DCAF10: variants seen among roughly 807,000 people sequenced by gnomAD.
DCAF10 encodes the protein DDB1 and CUL4 associated factor 10, also known as DDB1- and CUL4-associated factor 10.
A neutral mutation model predicts 51.9 loss-of-function variants in DCAF10; 19 were observed. The ratio of observed to expected loss-of-function variants is 0.37; its 90% CI spans 0.26 to 0.54. DCAF10 has a LOEUF of 0.54. DCAF10 is among the 20% of genes least tolerant of loss of function. The pLI, the probability that DCAF10 is intolerant of heterozygous loss-of-function variation, is 0.87. For synonymous variants in DCAF10, 291 were observed against 297.1 expected (o/e 0.98, Z 0.21); for missense variants, 510 against 730.6 (o/e 0.70, Z 3.48).
At position 37,861,268 on chromosome 9, in the gene DCAF10, C is replaced by T. The variant is rs1347119272; in HGVS notation, c.1440C>T (p.Phe480=). 9 of 1,614,084 alleles carry T rather than the reference C, an allele frequency of 5.6e-6. No individual in the cohort carries two copies. ...VGRGYIKELC[F]SPDGRMISSP... ...GGGGTTACATCAAAGAACTTTGCTT[C>T]AGCCCCGATGGACGAATGATTTCTT... The change falls in exon 7 of 7, where the codon TTC becomes TTT. Residue 480 remains phenylalanine, a synonymous_variant. Transcript: ENST00000377724. This position sits in a 1 kb window ranked among gnomAD's most constrained non-coding sequence, Gnocchi z 4.9.
chr9:37,859,506 T>C (rs1343443002), intron 5 of DCAF10, among the ~76,000 whole-genome samples: 2 of 152,246 alleles, frequency 1.3e-5, no homozygotes, highest in Non-Finnish European at 2.9e-5. Context: ...CATGCCTTTA[T>C]GTGAGGTGTC....
intron 3 of DCAF10, among the ~76,000 whole-genome samples, chr9:37,849,321 G>A (rs1830565308): frequency 6.6e-6 from 1 of 152,118 alleles, no homozygotes; most frequent in Non-Finnish European, 1.5e-5. Context: ...GATATATCAG[G>A]CGTTGGCAAA....
chr9:37,841,962 A>T, intron 2 of DCAF10, 127 bp from the exon 3 acceptor site: 1 of 767,238 alleles, frequency 1.3e-6, no homozygotes, highest in Non-Finnish European at 2.0e-6. Context: ...CATTGGGTTT[A>T]CATAGTGAGT....
rs185206548 is a variant in DCAF10 at position 37,856,524 on chromosome 9, A to T, written c.1055-717A>T. ...GAAATTAGACTAGTAAGAATTCTTAACATAGGTATGGGACCACTAGCAAAA... is the reference window on the plus strand; with the variant it reads ...GAAATTAGACTAGTAAGAATTCTTATCATAGGTATGGGACCACTAGCAAAA... On this transcript the variant is annotated intron_variant, in intron 4 of 6. Transcript: ENST00000377724. Among the ~76,000 whole-genome samples the T allele has an allele frequency of 1.4e-4, 22 of 152,386 alleles. No homozygotes were observed. The East Asian group carries it at 4.0e-3, about 28-fold the overall frequency.
At chr9:37,802,289 T>C (rs1828977503) in intron 1 of DCAF10, among the ~76,000 whole-genome samples, 1 of 152,206 alleles carries the variant, frequency 6.6e-6, no homozygotes, top group African/African-American at 2.4e-5. Flanking sequence ...TGGGACTTAA[T>C]GGTTCAACTA....
At position 37,808,153 on chromosome 9, in the gene DCAF10, A is replaced by G. The variant is rs185369281; in HGVS notation, c.539+6748A>G. ...ACTAGAAGTAAATAAAAAGATAACT[A>G]GCTGGCATGGTGGTTCATACCTGTG... On this transcript the variant is annotated intron_variant, in intron 1 of 6. Coordinates refer to ENST00000377724, the MANE Select transcript of DCAF10 (RefSeq NM_024345.5). Among the ~76,000 whole-genome samples, 786 of 152,170 alleles carry G rather than the reference A, an allele frequency of 5.2e-3. 6 individuals are homozygous for G. Among genetic ancestry groups the G allele is most frequent in the Middle Eastern group, 0.01 (3 of 294 alleles).
intron 1 of DCAF10, among the ~76,000 whole-genome samples, chr9:37,811,803 A>G (rs1829355279): frequency 6.6e-6 from 1 of 152,250 alleles, no homozygotes. Flanking sequence ...AGATAAATCA[A>G]TATTTGAACA....
rs1828958194 is a variant in DCAF10, at chr9:37,801,794, A to G, written c.539+389A>G. ...CCTAGGCTCGCGTTTTCCTACCTAA[A>G]CCTGTGTCGGGGTAGGAAAGCTGTA... On this transcript the variant is annotated intron_variant, in intron 1 of 6. Transcript: ENST00000377724. This position sits in a 1 kb window ranked among gnomAD's most constrained non-coding sequence, Gnocchi z 5.5. Among the ~76,000 whole-genome samples the G allele has an allele frequency of 6.6e-6, 1 of 151,972 alleles. No homozygotes were observed. The highest frequency in any genetic ancestry group is 1.5e-5 in the Non-Finnish European group (1 of 67,990).
chr9:37,860,042 T>C lies in DCAF10; in HGVS notation c.1166-6T>C, dbSNP rs1830967023. ...AATCCCACATCCTCATTTTCTTATATCTCAGGAGTTTCACCACGAAATAGT... is the reference window on the plus strand; with the variant it reads ...AATCCCACATCCTCATTTTCTTATACCTCAGGAGTTTCACCACGAAATAGT... On this transcript the variant is annotated splice_polypyrimidine_tract_variant and splice_region_variant and intron_variant, in intron 5 of 6. Transcript: ENST00000377724. The C allele has an allele frequency of 1.2e-6, 2 of 1,614,052 alleles. No individual in the cohort carries two copies. The highest frequency in any genetic ancestry group is 4.5e-5 in the East Asian group (2 of 44,884).
At chr9:37,816,200 A>G (rs1457256084) in intron 1 of DCAF10, among the ~76,000 whole-genome samples, 2 of 152,254 alleles carry the variant, frequency 1.3e-5, no homozygotes, top group East Asian at 3.8e-4. Context: ...GAAACTATAC[A>G]ATTTTGTTGA....
intron 1 of DCAF10, among the ~76,000 whole-genome samples, chr9:37,818,795 T>C (rs1829621706): frequency 6.6e-6 from 1 of 152,242 alleles, no homozygotes; most frequent in Non-Finnish European, 1.5e-5. Flanking sequence ...AAATATGTTT[T>C]GGAGTTCTTT....
At chr9:37,822,607 A>G (rs1383886354) in intron 2 of DCAF10, among the ~76,000 whole-genome samples, 2 of 152,048 alleles carry the variant, frequency 1.3e-5, no homozygotes, top group African/African-American at 2.4e-5. Context: ...ACATAAAGGC[A>G]TAAGAATGAT....
chr9:37,836,997 T>C (rs1159930616), intron 2 of DCAF10, among the ~76,000 whole-genome samples: 2 of 152,136 alleles, frequency 1.3e-5, no homozygotes, highest in Non-Finnish European at 2.9e-5. Flanking sequence ...CCCAGAACTT[T>C]ATAGAGTTGC....
intron 2 of DCAF10, chr9:37,836,007 C>T: frequency 2.0e-6 from 2 of 1,001,924 alleles, no homozygotes; most frequent in Non-Finnish European, 3.2e-6. Flanking sequence ...GCCAGAGGCG[C>T]CGGCACACGG....
chr9:37,843,857 C>A (rs955096494), intron 3 of DCAF10, among the ~76,000 whole-genome samples: 2 of 152,064 alleles, frequency 1.3e-5, no homozygotes, highest in Non-Finnish European at 2.9e-5. Context: ...TAAAAATAGA[C>A]AGTGTTAGAT....
chr9:37,832,532 C>T (rs930399619), intron 2 of DCAF10, among the ~76,000 whole-genome samples: 5 of 152,050 alleles, frequency 3.3e-5, no homozygotes, highest in African/African-American at 7.2e-5. Flanking sequence ...TCTTTGTTGG[C>T]GTGCTGCTGA....
At chr9:37,848,467 CA>C (rs956065830) in intron 3 of DCAF10, among the ~76,000 whole-genome samples, 1 of 152,114 alleles carries the variant, frequency 6.6e-6, no homozygotes, top group African/African-American at 2.4e-5. Flanking sequence ...AGCCAACTTG[CA>C]AAAGACTACT....
At chr9:37,815,547 C>T (rs7849127) in intron 1 of DCAF10, among the ~76,000 whole-genome samples, 29,089 of 151,762 alleles carry the variant, frequency 0.19, 3,188 homozygotes, top group African/African-American at 0.29. Context: ...CAGGAGGCTG[C>T]GGCAGGAGAA....
intron 1 of DCAF10, among the ~76,000 whole-genome samples, chr9:37,816,061 T>C (rs1376769216): frequency 6.6e-6 from 1 of 152,210 alleles, no homozygotes; most frequent in Non-Finnish European, 1.5e-5. Flanking sequence ...CCCAAAATTC[T>C]GGAATAACAA....
Sources: allele counts gnomAD v4.1 joint callset (sites outside exome capture counted in the v4.1 genomes callset), GRCh38; gene constraint gnomAD v4.1.1; non-coding constraint Gnocchi (gnomAD v3.1); transcripts MANE v1.5; gene names NCBI Gene and HGNC (gene_info 2026-07-23, HGNC 2026-07-21).